GCLC: variants seen among roughly 807,000 people sequenced by gnomAD.
GCLC encodes glutamate--cysteine ligase catalytic subunit.
Under a neutral mutation model 81.5 loss-of-function variants are expected in GCLC, and 30 were observed. That is an observed-to-expected ratio of 0.37 (90% CI 0.28 to 0.50). GCLC has a LOEUF of 0.50. GCLC is among the 20% of genes least tolerant of loss of function. GCLC has a pLI of 0.96. For synonymous variants in GCLC, 262 were observed against 273.3 expected (o/e 0.96, Z 0.41); for missense variants, 556 against 777.4 (o/e 0.72, Z 3.39).
Position 53,514,422 on chromosome 6 carries a change from C to T in GCLC, c.619+17G>A, listed in dbSNP as rs1764822539. ...AACATGTCTCTCTCCCACCCCACCACCTCTCAGTAGACTTACTTGGTACAT... is the reference window on the plus strand; with the variant it reads ...AACATGTCTCTCTCCCACCCCACCATCTCTCAGTAGACTTACTTGGTACAT... On this transcript the variant is annotated intron_variant, in intron 5 of 15. Transcript: ENST00000650454. 6 of 1,606,354 alleles carry T rather than the reference C, an allele frequency of 3.7e-6. No individual in the cohort carries two copies. The highest frequency in any genetic ancestry group is 5.1e-6 in the Non-Finnish European group (6 of 1,172,938).
chr6:53,500,563 A>T, intron 12 of GCLC, 50 bp from the exon 13 acceptor site: 1 of 1,334,764 alleles, frequency 7.5e-7, no homozygotes. Context: ...TTGATCAGAC[A>T]TACAAGTTGC....
intron 2 of GCLC, among the ~76,000 whole-genome samples, chr6:53,521,917 T>C (rs1166270240): frequency 1.3e-5 from 2 of 152,166 alleles, no homozygotes; most frequent in Non-Finnish European, 2.9e-5. Context: ...GAGCTTGCAG[T>C]GAGCTGAGAT....
intron 1 of GCLC, among the ~76,000 whole-genome samples, chr6:53,525,174 C>G (rs1366327611): frequency 5.3e-5 from 8 of 152,196 alleles, no homozygotes; most frequent in Non-Finnish European, 1.2e-4. Flanking sequence ...TTCTGAAGTG[C>G]TCCTTCTCTG....
At chr6:53,523,201 T>C (rs979298017) in intron 1 of GCLC, 9 of 137,458 alleles carry the variant, frequency 6.5e-5, no homozygotes, top group Non-Finnish European at 1.4e-4. Flanking sequence ...CTAGTAAAAA[T>C]AAAGGACATA....
intron 1 of GCLC, among the ~76,000 whole-genome samples, chr6:53,534,151 G>A (rs927998237): frequency 2.6e-5 from 4 of 152,206 alleles, no homozygotes; most frequent in African/African-American, 9.6e-5. Context: ...CTTCGACTCT[G>A]ATCTTCAGAC....
intron 6 of GCLC, chr6:53,513,791 T>C (rs923916383): frequency 9.5e-6 from 2 of 211,506 alleles, no homozygotes; most frequent in African/African-American, 4.7e-5. Flanking sequence ...ACAAATCCCT[T>C]GGATCACAAA....
intron 12 of GCLC, among the ~76,000 whole-genome samples, chr6:53,502,759 C>G (rs560908230): frequency 2.0e-5 from 3 of 152,116 alleles, no homozygotes; most frequent in African/African-American, 7.2e-5. Context: ...AGAGTTTAGT[C>G]TATTCAAATT....
At chr6:53,530,321 C>G (rs965454051) in intron 1 of GCLC, among the ~76,000 whole-genome samples, 1 of 152,182 alleles carries the variant, frequency 6.6e-6, no homozygotes, top group Non-Finnish European at 1.5e-5. Context: ...ATTCAGGAAT[C>G]GTACCTGGGT....
intron 1 of GCLC, among the ~76,000 whole-genome samples, chr6:53,543,836 A>G (rs1251694525): frequency 1.3e-5 from 2 of 152,246 alleles, no homozygotes; most frequent in African/African-American, 4.8e-5. Context: ...TAGGCCATGG[A>G]AAGACACAAG....
At chr6:53,517,790 C>A (rs917033852) in intron 3 of GCLC, among the ~76,000 whole-genome samples, 1 of 152,194 alleles carries the variant, frequency 6.6e-6, no homozygotes, top group Non-Finnish European at 1.5e-5. Context: ...TGTTTAATAT[C>A]TCCACTATCC....
At chr6:53,513,950 C>A in intron 6 of GCLC, 1 of 452,532 alleles carries the variant, frequency 2.2e-6, no homozygotes, top group Non-Finnish European at 3.9e-6. Context: ...TTTAAGTTAA[C>A]TGAAATTACA....
chr6:53,516,463 C>T (rs1481744585), intron 3 of GCLC, among the ~76,000 whole-genome samples: 2 of 152,126 alleles, frequency 1.3e-5, no homozygotes, highest in South Asian at 4.1e-4. Context: ...TCCAAGTCTC[C>T]ACTCACTCAC....
intron 1 of GCLC, among the ~76,000 whole-genome samples, chr6:53,526,266 T>A (rs1404813121): frequency 6.6e-6 from 1 of 152,170 alleles, no homozygotes; most frequent in Non-Finnish European, 1.5e-5. Flanking sequence ...TAATCTGAAA[T>A]TAGGCCAACA....
At chr6:53,539,952 C>T (rs1763323827) in intron 1 of GCLC, among the ~76,000 whole-genome samples, 1 of 152,218 alleles carries the variant, frequency 6.6e-6, no homozygotes, top group African/African-American at 2.4e-5. Flanking sequence ...TTAGTGCTAA[C>T]CTGTTCTTTT....
At chr6:53,505,014 G>A (rs1764585963) in intron 12 of GCLC, among the ~76,000 whole-genome samples, 1 of 152,094 alleles carries the variant, frequency 6.6e-6, no homozygotes, top group South Asian at 2.1e-4. Flanking sequence ...ACTCCAATTT[G>A]TTTTTCTGAG....
intron 6 of GCLC, among the ~76,000 whole-genome samples, chr6:53,511,295 G>T (rs952144901): frequency 1.3e-5 from 2 of 151,860 alleles, no homozygotes; most frequent in African/African-American, 2.4e-5. Flanking sequence ...ACAAGGCATT[G>T]AGATTTTAAA....
chr6:53,532,870 T>TC (rs1380549833), intron 1 of GCLC, among the ~76,000 whole-genome samples: 3 of 152,100 alleles, frequency 2.0e-5, no homozygotes, highest in Non-Finnish European at 4.4e-5. Context: ...GGAAATAAGT[T>TC]CAACTACTAA....
chr6:53,526,238 G>A (rs1307224202), intron 1 of GCLC, among the ~76,000 whole-genome samples: 2 of 152,130 alleles, frequency 1.3e-5, no homozygotes, highest in Admixed American at 6.6e-5. Flanking sequence ...TTTAAACAAG[G>A]GTGAGGTACT....
chr6:53,540,734 A>G (rs969445722), intron 1 of GCLC, among the ~76,000 whole-genome samples: 2 of 151,738 alleles, frequency 1.3e-5, no homozygotes, highest in Admixed American at 1.3e-4. Flanking sequence ...TTCTAAATGT[A>G]TGTCAACCCA....
Sources: allele counts gnomAD v4.1 joint callset (sites outside exome capture counted in the v4.1 genomes callset), GRCh38; gene constraint gnomAD v4.1.1; transcripts MANE v1.5; gene names NCBI Gene and HGNC (gene_info 2026-07-23, HGNC 2026-07-21).